Variants in STPG2 observed in about 807,000 individuals in gnomAD.
STPG2 encodes sperm-tail PG-rich repeat-containing protein 2.
In STPG2, 56 loss-of-function variants were observed where a neutral mutation model predicts 54.2. The ratio of observed to expected loss-of-function variants is 1.03; its 90% CI spans 0.83 to 1.29. The LOEUF is 1.29. Among genes scored for constraint, STPG2 ranks in the 50% most tolerant of loss-of-function variants. The pLI is 0.00. For synonymous variants in STPG2, 200 were observed against 181.8 expected (o/e 1.10, Z -0.81); for missense variants, 596 against 544.9 (o/e 1.09, Z -0.93).
intron 9 of STPG2, among the ~76,000 whole-genome samples, chr4:97,794,966 T>C (rs893303447): frequency 2.0e-5 from 3 of 152,166 alleles, no homozygotes; most frequent in African/African-American, 7.2e-5. Context: ...AAATGATAAT[T>C]TCTGGCCACA....
chr4:97,710,100 C>A (rs894274459), intron 10 of STPG2, among the ~76,000 whole-genome samples: 1 of 130,016 alleles, frequency 7.7e-6, no homozygotes, highest in Non-Finnish European at 1.6e-5. Context: ...GATTAATAAA[C>A]CTTCTAAAAT....
chr4:97,909,105 CAAACAA>C (rs199837411), intron 8 of STPG2, among the ~76,000 whole-genome samples: 185 of 150,370 alleles, frequency 1.2e-3, no homozygotes, highest in East Asian at 5.3e-3. Context: ...AAAAGGCAAA[CAAACAA>C]AAACAAAAAC....
At chr4:97,938,508 T>G (rs1215052) in intron 8 of STPG2, among the ~76,000 whole-genome samples, 1 of 152,034 alleles carries the variant, frequency 6.6e-6, no homozygotes, top group African/African-American at 2.4e-5. Context: ...CACCCACCCC[T>G]GCAGGAACTC....
intron 5 of STPG2, among the ~76,000 whole-genome samples, chr4:97,993,151 G>A (rs1055260277): frequency 2.6e-5 from 4 of 152,074 alleles, no homozygotes; most frequent in African/African-American, 9.7e-5. Context: ...TGGGCATCCT[G>A]GTCTTGCTCC....
chr4:98,033,755 G>A (rs1055945953), intron 5 of STPG2, among the ~76,000 whole-genome samples: 18 of 152,186 alleles, frequency 1.2e-4, no homozygotes, highest in Admixed American at 2.6e-4. Flanking sequence ...TATCCACCAC[G>A]ATCAAGTCAG....
intron 5 of STPG2, among the ~76,000 whole-genome samples, chr4:98,010,870 A>G (rs909641460): frequency 4.6e-5 from 7 of 152,212 alleles, no homozygotes; most frequent in Admixed American, 2.6e-4. Context: ...TTAAGCTAAT[A>G]AGAACATAAC....
At chr4:97,914,669 A>T (rs930258214) in intron 8 of STPG2, among the ~76,000 whole-genome samples, 2 of 152,136 alleles carry the variant, frequency 1.3e-5, no homozygotes, top group African/African-American at 4.8e-5. Context: ...TTGAGACCAG[A>T]AGTGTTTTGG....
At chr4:97,781,548 T>C (rs983046894) in intron 9 of STPG2, among the ~76,000 whole-genome samples, 6 of 151,966 alleles carry the variant, frequency 3.9e-5, no homozygotes, top group Non-Finnish European at 8.8e-5. Context: ...TTCCAATCAA[T>C]AGAAAAAGAA....
intron 5 of STPG2, among the ~76,000 whole-genome samples, chr4:98,035,297 CAG>C (rs1736736097): frequency 6.6e-6 from 1 of 152,084 alleles, no homozygotes; most frequent in South Asian, 2.1e-4. Flanking sequence ...AGGATATGAA[CAG>C]ACACTTCTCA....
At chr4:97,793,858 G>A (rs972029206) in intron 9 of STPG2, among the ~76,000 whole-genome samples, 5 of 151,986 alleles carry the variant, frequency 3.3e-5, no homozygotes, top group South Asian at 4.1e-4. Context: ...AAGCAAACAG[G>A]TGAAATAGGG....
chr4:97,975,297 T>C (rs879494622), intron 6 of STPG2, among the ~76,000 whole-genome samples: 3 of 152,146 alleles, frequency 2.0e-5, no homozygotes, highest in African/African-American at 4.8e-5. Flanking sequence ...TATACCTCAA[T>C]AGAGCAGAAA....
chr4:97,563,425 T>C (rs1409426101), intron 10 of STPG2, among the ~76,000 whole-genome samples: 3 of 152,208 alleles, frequency 2.0e-5, no homozygotes, highest in South Asian at 4.1e-4. Flanking sequence ...GGGTTTTTTG[T>C]GTCTCTATTT....
intron 4 of STPG2, among the ~76,000 whole-genome samples, chr4:97,455,789 G>A (rs1436096527): frequency 6.6e-6 from 1 of 152,150 alleles, no homozygotes; most frequent in Non-Finnish European, 1.5e-5. Flanking sequence ...AACTGAAAGA[G>A]CACGCTGTAA....
chr4:97,492,225 T>C (rs1438937409), intron 4 of STPG2, among the ~76,000 whole-genome samples: 1 of 151,538 alleles, frequency 6.6e-6, no homozygotes, highest in Non-Finnish European at 1.5e-5. Context: ...ACTTGTCTTC[T>C]ATTAGAACAC....
intron 9 of STPG2, among the ~76,000 whole-genome samples, chr4:97,734,343 G>C (rs771190541): frequency 6.6e-6 from 1 of 152,128 alleles, no homozygotes; most frequent in Non-Finnish European, 1.5e-5. Context: ...ATGAGTGCTT[G>C]TTACACACAC....
chr4:97,976,177 C>A (rs1734491867), intron 6 of STPG2, among the ~76,000 whole-genome samples: 2 of 152,170 alleles, frequency 1.3e-5, no homozygotes, highest in African/African-American at 4.8e-5. Context: ...GTTGTGCCAA[C>A]TCTCAGAAAA....
chr4:97,736,324 G>A (rs1560507405), intron 9 of STPG2, among the ~76,000 whole-genome samples: 1 of 152,178 alleles, frequency 6.6e-6, no homozygotes. Context: ...GAGGTACCAG[G>A]TTCATCTCAC....
At chr4:97,907,052 A>T (rs2149194694) in intron 8 of STPG2, among the ~76,000 whole-genome samples, 1 of 151,888 alleles carries the variant, frequency 6.6e-6, no homozygotes, top group South Asian at 2.1e-4. Flanking sequence ...AAGGGTATTC[A>T]ATTAGGAAAA....
intron 8 of STPG2, among the ~76,000 whole-genome samples, chr4:97,852,337 T>C (rs375809280): frequency 1.3e-5 from 2 of 152,326 alleles, no homozygotes; most frequent in East Asian, 1.9e-4. Context: ...GGGACCATTT[T>C]AAGGTAGTGC....
Sources: allele counts gnomAD v4.1 joint callset (sites outside exome capture counted in the v4.1 genomes callset), GRCh38; gene constraint gnomAD v4.1.1; transcripts MANE v1.5; gene names NCBI Gene and HGNC (gene_info 2026-07-23, HGNC 2026-07-21).